Variants in ZNF550 observed in about 807,000 individuals in gnomAD.
The protein encoded by ZNF550 is zinc finger protein 550.
In ZNF550, 42 loss-of-function variants were observed where a neutral mutation model predicts 40.2. That is an observed-to-expected ratio of 1.05 (90% CI 0.82 to 1.35). The LOEUF is 1.35. ZNF550 is among the 40% of genes most tolerant of loss of function. The probability of loss-of-function intolerance (pLI) is 0.00; values close to 1 mark genes in which losing one functional copy is unlikely to be tolerated. For synonymous variants in ZNF550, 223 were observed against 198.6 expected (o/e 1.12, Z -1.03); for missense variants, 549 against 525.2 (o/e 1.05, Z -0.44).
chr19:57,542,601 GAAAAA>G (rs911332632), exon 5 of ZNF550: 7 of 147,004 alleles, frequency 4.8e-5, no homozygotes, highest in African/African-American at 1.8e-4. Flanking sequence ...GAGTGAAAAA[GAAAAA>G]AAAAGAATTG....
chr19:57,550,205 C>CA (rs938929454), intron 3 of ZNF550, among the ~76,000 whole-genome samples: 8 of 152,122 alleles, frequency 5.3e-5, no homozygotes, highest in African/African-American at 1.9e-4. Context: ...GCAGCAGTCT[C>CA]ATACCTGGAA....
chr19:57,543,766 T>C (rs2089982856), intron 4 of ZNF550: 1 of 418,390 alleles, frequency 2.4e-6, no homozygotes, highest in Non-Finnish European at 3.2e-6. Context: ...TGAAACCCCG[T>C]CTCTACTAAA....
At position 57,543,335 on chromosome 19, in the gene ZNF550, CT is replaced by C. The variant is rs971040668; in HGVS notation, c.*519-93del. ...TCTGACATTCCCCTCTACCCCATCC[CT>C]TCCCTCCCTCTACACCCAAGGAGCA... On this transcript the variant is annotated intron_variant, in intron 4 of 4. Transcript: ENST00000457177. The C allele has an allele frequency of 1.2e-5, 4 of 325,040 alleles. No individual in the cohort carries two copies. In the Admixed American group the frequency reaches 2.0e-4, roughly 16 times the overall value. 20.1% of individuals were successfully genotyped at this position (325,040 alleles called of 1,614,324 possible).
rs186900980 is a variant in ZNF550 at position 57,552,212 on chromosome 19, A to G, written c.250+415T>C. On this transcript the variant is annotated intron_variant, in intron 3 of 4. Transcript: ENST00000457177. ...TTGTTGAGTAGAGGAGTCTGAGGTG[A>G]TGTAAACCAAACCCATTAATTCTTT... is the stretch of plus-strand genomic sequence containing the variant. Among the ~76,000 whole-genome samples, 19 of 152,318 alleles carry G rather than the reference A, an allele frequency of 1.2e-4. No homozygotes were observed. In the East Asian group the frequency reaches 3.7e-3, roughly 29 times the overall value.
At chr19:57,547,947 T>C in exon 4 of ZNF550, 2 of 1,614,004 alleles carry the variant, frequency 1.2e-6, no homozygotes, top group Non-Finnish European at 1.7e-6. Flanking sequence ...CAGATAAGAC[T>C]GGCGGGTAAG....
intron 2 of ZNF550, 187 bp downstream of exon 2, chr19:57,556,043 AG>A: frequency 1.5e-6 from 1 of 646,768 alleles, no homozygotes; most frequent in Non-Finnish European, 2.6e-6. Context: ...TGAGCACTGG[AG>A]TGAGGGTTTG....
chr19:57,544,063 G>A, intron 4 of ZNF550: 6 of 985,416 alleles, frequency 6.1e-6, no homozygotes, highest in Non-Finnish European at 7.2e-6. Context: ...ACAAGTTTAA[G>A]TCAATATATT....
chr19:57,559,326 A>G (rs2090149631), intron 1 of ZNF550, among the ~76,000 whole-genome samples: 1 of 152,170 alleles, frequency 6.6e-6, no homozygotes, highest in Non-Finnish European at 1.5e-5. Flanking sequence ...GAGGACAGTA[A>G]CGGGACTTGT....
In ZNF550 at chr19:57,546,993, G is replaced by A. The variant is rs556524699; in HGVS notation, c.1251C>T (p.His417=). 41 of 1,612,004 alleles carry A rather than the reference G, an allele frequency of 2.5e-5. No individual in the cohort carries two copies. The South Asian group carries it at 4.5e-4, about 18-fold the overall frequency. Residue 417 remains histidine, a synonymous_variant, in exon 4 of 5, where the codon CAC becomes CAT. Coordinates refer to ENST00000457177, the Ensembl canonical transcript of ZNF550. ...GGTTCTCTCATGTATGGACCCTTTG[G>A]TGCTGCAGAAGGTGTGACCTGCGTT... is the stretch of plus-strand genomic sequence containing the variant.
At chr19:57,546,482 C>G (rs1324511775) in exon 4 of ZNF550, 2 of 987,852 alleles carry the variant, frequency 2.0e-6, no homozygotes, top group South Asian at 9.3e-5. Flanking sequence ...TTCATAAGTT[C>G]ATAGAGAAAA....
exon 4 of ZNF550, chr19:57,547,373 G>C: frequency 6.2e-7 from 1 of 1,612,018 alleles, no homozygotes; most frequent in Non-Finnish European, 8.5e-7. Flanking sequence ...TTTCGACATT[G>C]ACTACACTCA....
exon 4 of ZNF550, chr19:57,547,200 A>G: frequency 6.2e-7 from 1 of 1,611,748 alleles, no homozygotes; most frequent in East Asian, 2.2e-5. Context: ...AGGCCTTTCC[A>G]CATGCCATGC....
At chr19:57,547,584 T>G in exon 4 of ZNF550, 1 of 1,614,176 alleles carries the variant, frequency 6.2e-7, no homozygotes. Context: ...CCCTCTGATG[T>G]CGAACGAGAT....
intron 1 of ZNF550, 54 bp downstream of exon 1, chr19:57,559,602 G>A (rs2090152341): frequency 7.0e-7 from 1 of 1,424,228 alleles, no homozygotes; most frequent in South Asian, 1.4e-5. Context: ...TCCGCTCGTC[G>A]GGCCCGGGAC....
intron 4 of ZNF550, chr19:57,543,606 TA>T: frequency 1.0e-6 from 1 of 985,246 alleles, no homozygotes; most frequent in Non-Finnish European, 1.2e-6. Flanking sequence ...ATTTGTTCAT[TA>T]AATGTAACAA....
chr19:57,544,012 T>A, intron 4 of ZNF550: 3 of 985,476 alleles, frequency 3.0e-6, no homozygotes, highest in Non-Finnish European at 3.6e-6. Flanking sequence ...CAACTTTTAC[T>A]GTAAGTTCAA....
intron 3 of ZNF550, among the ~76,000 whole-genome samples, chr19:57,550,232 T>C (rs2090060934): frequency 6.6e-6 from 1 of 152,064 alleles, no homozygotes; most frequent in Non-Finnish European, 1.5e-5. Context: ...GGATGGGAAA[T>C]GGTGCGGCTA....
At chr19:57,552,403 A>G in intron 3 of ZNF550, 1 of 508,400 alleles carries the variant, frequency 2.0e-6, no homozygotes, top group African/African-American at 1.9e-5. Flanking sequence ...AGCCAGAGCA[A>G]CCATAAAGAT....
At chr19:57,543,902 C>T (rs1277162188) in intron 4 of ZNF550, 17 of 915,702 alleles carry the variant, frequency 1.9e-5, no homozygotes, top group Non-Finnish European at 2.1e-5. Flanking sequence ...GGCGCCACTG[C>T]ACTCCAGCCT....
Sources: gnomAD v4.1 joint callset for allele counts (sites outside exome capture counted in the v4.1 genomes callset) on GRCh38, gnomAD v4.1.1 for gene constraint, MANE v1.5 for transcripts, NCBI Gene and HGNC (gene_info 2026-07-23, HGNC 2026-07-21) for gene names.